Variants in ST18 observed in about 807,000 individuals in gnomAD.
ST18 encodes suppression of tumorigenicity 18 protein.
ST18 carries 50 observed loss-of-function variants against 110.0 expected under a neutral mutation model. The ratio of observed to expected loss-of-function variants is 0.45; its 90% CI spans 0.36 to 0.58. ST18 has a LOEUF of 0.58. ST18 is among the 20% of genes least tolerant of loss of function. ST18 has a pLI of 0.00. For synonymous variants in ST18, 461 were observed against 452.4 expected (o/e 1.02, Z -0.24); for missense variants, 1,306 against 1,280.1 (o/e 1.02, Z -0.31).
intron 2 of ST18, among the ~76,000 whole-genome samples, chr8:52,305,369 T>G (rs1043947418): frequency 2.6e-5 from 4 of 152,226 alleles, no homozygotes; most frequent in African/African-American, 9.6e-5. Context: ...GCATGAGTAC[T>G]AAGCTGTCAG....
chr8:52,209,914 TCTG>T lies in ST18; in HGVS notation c.86+2162_86+2164del, dbSNP rs972833712. On this transcript the variant is annotated intron_variant, in intron 8 of 25. Coordinates refer to ENST00000689386, the MANE Select transcript of ST18 (RefSeq NM_001352837.2). ...ATTTCTTCCCACAAATTTGCTTCTC[TCTG>T]CTAATACCTAACTTTTTCTCTATGA... The T allele has an allele frequency of 1.5e-5, 5 of 338,750 alleles. No individual in the cohort carries two copies. In the Admixed American group the frequency reaches 1.5e-4, roughly 10 times the overall value. 21.0% of individuals were successfully genotyped at this position (338,750 alleles called of 1,614,324 possible).
chr8:52,290,820 G>T (rs1368043504), intron 2 of ST18, among the ~76,000 whole-genome samples: 1 of 152,210 alleles, frequency 6.6e-6, no homozygotes, highest in Non-Finnish European at 1.5e-5. Context: ...GGCCTCTTGT[G>T]CTTTTCCTCC....
At chr8:52,184,516 AT>A (rs1161135380) in intron 8 of ST18, among the ~76,000 whole-genome samples, 1 of 152,130 alleles carries the variant, frequency 6.6e-6, no homozygotes, top group Non-Finnish European at 1.5e-5. Flanking sequence ...TTGAATGAAA[AT>A]TTTTTTGAAA....
chr8:52,131,035 A>G (rs1462626409), intron 22 of ST18, among the ~76,000 whole-genome samples: 1 of 152,246 alleles, frequency 6.6e-6, no homozygotes. Context: ...GGAAAAAGTC[A>G]AGTTTTCTCC....
intron 2 of ST18, among the ~76,000 whole-genome samples, chr8:52,230,604 G>C (rs972243204): frequency 2.0e-4 from 30 of 152,160 alleles, no homozygotes; most frequent in Non-Finnish European, 3.5e-4. Flanking sequence ...ACAAACACAG[G>C]AGTGACAGTC....
chr8:52,172,711 A>C, intron 9 of ST18, 128 bp from the exon 10 acceptor site: 4 of 594,458 alleles, frequency 6.7e-6, no homozygotes, highest in East Asian at 2.9e-5. Context: ...ATATATGTAC[A>C]CATATACATA....
rs2040341877 is a variant in ST18 at position 52,110,844 on chromosome 8, T to C, written c.*2354A>G. 2.6e-6 allele frequency: 1 copy of C among 379,346 alleles called. No individual in the cohort carries two copies. Among genetic ancestry groups the C allele is most frequent in the Non-Finnish European group, 4.7e-6 (1 of 213,538 alleles). 23.5% of individuals were successfully genotyped at this position (379,346 alleles called of 1,614,324 possible). A position where few individuals can be genotyped will look rare whatever the true frequency, so the allele number is the denominator to read the frequency against. On this transcript the variant is annotated 3_prime_UTR_variant, in exon 26 of 26. Coordinates refer to ENST00000689386, the MANE Select transcript of ST18 (RefSeq NM_001352837.2). Reference sequence around the variant, plus strand: ...AGAAAGATCACATCAAAACTCGTTATCAATTTTTATTTCCTACCATACACC... The same window carrying C: ...AGAAAGATCACATCAAAACTCGTTACCAATTTTTATTTCCTACCATACACC...
In ST18 at chr8:52,211,493, G is replaced by A. The variant is rs1179668963; in HGVS notation, c.86+586C>T. Among the ~76,000 whole-genome samples the A allele has an allele frequency of 4.0e-5, 6 of 151,266 alleles. No homozygotes were observed. In the East Asian group the frequency reaches 9.8e-4, roughly 25 times the overall value. ...GTGATCTCAGCTCACTGCAACCTCC[G>A]CTTCCCGGGTTCAAGCAATTCTCCT... On this transcript the variant is annotated intron_variant, in intron 8 of 25. Coordinates refer to ENST00000689386, the MANE Select transcript of ST18 (RefSeq NM_001352837.2).
At chr8:52,166,009 G>T (rs531122819) in intron 11 of ST18, among the ~76,000 whole-genome samples, 1 of 152,230 alleles carries the variant, frequency 6.6e-6, no homozygotes, top group Admixed American at 6.5e-5. Flanking sequence ...CCTACTCAGG[G>T]CCCTCCACTG....
chr8:52,288,002 T>C (rs536666624), intron 2 of ST18, among the ~76,000 whole-genome samples: 1 of 152,270 alleles, frequency 6.6e-6, no homozygotes, highest in East Asian at 1.9e-4. Flanking sequence ...GTCACAACCA[T>C]AAACTGAGCA....
chr8:52,164,267 C>G (rs181322476), intron 12 of ST18, among the ~76,000 whole-genome samples, 177 bp from the exon 13 acceptor site: 2 of 152,338 alleles, frequency 1.3e-5, no homozygotes, highest in East Asian at 3.9e-4. Flanking sequence ...AGTGTCAACA[C>G]TTGCTCCCAT....
At chr8:52,291,273 C>T (rs2095551720) in intron 2 of ST18, among the ~76,000 whole-genome samples, 1 of 152,232 alleles carries the variant, frequency 6.6e-6, no homozygotes, top group Non-Finnish European at 1.5e-5. Context: ...GCATGTCACA[C>T]AGGCTGTTTC....
intron 2 of ST18, among the ~76,000 whole-genome samples, chr8:52,315,281 C>T (rs764541817): frequency 2.0e-5 from 3 of 152,114 alleles, no homozygotes; most frequent in Non-Finnish European, 4.4e-5. Flanking sequence ...ATAGAAGAGG[C>T]TATTTATTAA....
intron 2 of ST18, chr8:52,407,614 T>C (rs1564675944): frequency 6.6e-6 from 1 of 152,190 alleles, no homozygotes; most frequent in Admixed American, 6.5e-5. Flanking sequence ...TGCAACTCAA[T>C]CCTTCCATGT....
chr8:52,134,313 A>C (rs1203055366), intron 19 of ST18, among the ~76,000 whole-genome samples: 1 of 152,174 alleles, frequency 6.6e-6, no homozygotes, highest in Non-Finnish European at 1.5e-5. Flanking sequence ...TTCTACTAGG[A>C]ATGCTGATTA....
chr8:52,361,999 T>C (rs750475276), intron 2 of ST18, among the ~76,000 whole-genome samples: 9 of 152,222 alleles, frequency 5.9e-5, no homozygotes, highest in Non-Finnish European at 1.2e-4. Context: ...TTTATCTATA[T>C]TCTTTACACT....
chr8:52,359,210 A>G (rs944710204), intron 2 of ST18, among the ~76,000 whole-genome samples: 3 of 152,072 alleles, frequency 2.0e-5, no homozygotes, highest in African/African-American at 7.2e-5. Flanking sequence ...TCAACAAACT[A>G]TAATAGAAAG....
In ST18 at chr8:52,158,785, C is replaced by T. The variant is rs546929579; in HGVS notation, c.1806+113G>A. ...CCTCTTCCTGAGACAGGGAGGGGAT[C>T]GCTTCAGAGGTTGGGGAGCAGAGTG... is the stretch of plus-strand genomic sequence containing the variant. On this transcript the variant is annotated intron_variant, in intron 15 of 25. Coordinates refer to ENST00000689386, the MANE Select transcript of ST18 (RefSeq NM_001352837.2). 1.6e-5 allele frequency: 19 copies of T among 1,204,712 alleles called. No individual in the cohort carries two copies. In the Admixed American group the frequency reaches 1.8e-4, roughly 12 times the overall value. The allele number at this position is 1,204,712 out of a possible 1,614,324, so 74.6% of individuals were successfully genotyped here.
chr8:52,253,533 C>T (rs1460282461), intron 2 of ST18, among the ~76,000 whole-genome samples: 1 of 152,146 alleles, frequency 6.6e-6, no homozygotes, highest in Non-Finnish European at 1.5e-5. Context: ...AACTACCATA[C>T]TTATCAATTT....
Sources: allele counts gnomAD v4.1 joint callset (sites outside exome capture counted in the v4.1 genomes callset), GRCh38; gene constraint gnomAD v4.1.1; transcripts MANE v1.5; gene names NCBI Gene and HGNC (gene_info 2026-07-23, HGNC 2026-07-21).